The following SPINK5 variants were observed in gnomAD, a reference collection of about 807,000 sequenced individuals.
SPINK5 encodes serine peptidase inhibitor Kazal type 5.
SPINK5 carries 125 observed loss-of-function variants against 151.8 expected under a neutral mutation model. The ratio of observed to expected loss-of-function variants is 0.82; its 90% CI spans 0.71 to 0.96. The LOEUF (loss-of-function observed/expected upper bound fraction) is 0.96, where lower values mean the gene tolerates loss of function less well. Among genes scored for constraint, SPINK5 ranks in the 40% least tolerant of loss-of-function variants. SPINK5 has a pLI of 0.00. For missense variants in SPINK5, 1,194 were observed against 1,291.9 expected, an observed-to-expected ratio of 0.92 and a Z score of 1.16; for synonymous variants, 374 against 395.3, an observed-to-expected ratio of 0.95 and a Z score of 0.64.
intron 11 of SPINK5, 53 bp from the exon 12 acceptor site, chr5:148,099,181 T>G (rs1753561920): frequency 6.6e-7 from 1 of 1,511,596 alleles, no homozygotes; most frequent in Non-Finnish European, 9.1e-7. Context: ...TGTGGAGAAA[T>G]CATGGCATGT....
chr5:148,072,148 G>T lies in SPINK5; in HGVS notation c.210G>T (p.Leu70=), dbSNP rs775544442. The change falls in exon 4 of 33, where the codon CTG becomes CTT. Residue 70 remains leucine (L), a splice_region_variant and synonymous_variant. Coordinates refer to ENST00000256084, the MANE Select transcript of SPINK5 (RefSeq NM_006846.4). The part of the protein sequence containing the change: ...INKCATCKMI[L]EKEAKSQKRA... ...TATGCTATTTCTTGTCCTTTTCCAG[G>T]GAAAAAGAAGCAAAATCACAGAAGA... is the stretch of plus-strand genomic sequence containing the variant. The T allele has an allele frequency of 3.7e-6, 6 of 1,611,696 alleles. No homozygotes were observed. The highest frequency in any genetic ancestry group is 3.3e-5 in the Admixed American group (2 of 59,784).
chr5:148,088,482 T>A (rs752159491), intron 5 of SPINK5, 60 bp from the exon 6 acceptor site: 11 of 1,478,574 alleles, frequency 7.4e-6, no homozygotes, highest in Admixed American at 3.4e-5. Context: ...AGCAGTTAGG[T>A]TTGAATGGTG....
At chr5:148,077,265 A>G (rs1056120701) in intron 4 of SPINK5, among the ~76,000 whole-genome samples, 1 of 151,202 alleles carries the variant, frequency 6.6e-6, no homozygotes, top group Non-Finnish European at 1.5e-5. Context: ...GGCTGTATAC[A>G]ATTAAAAGCT....
chr5:148,135,259 C>T (rs1046259991), intron 32 of SPINK5, among the ~76,000 whole-genome samples: 5 of 152,084 alleles, frequency 3.3e-5, no homozygotes, highest in Admixed American at 2.6e-4. Context: ...TACTGTTCCC[C>T]GTCCTCACAA....
Position 148,137,250 on chromosome 5 carries a change from A to C in SPINK5, c.*259A>C, listed in dbSNP as rs1345979091. Reference sequence around the variant, plus strand: ...GTCCTGATTACAATGCTGTCTGTCCAACTGCCTGTTCAATAAAAGTAAACT... The same window carrying C: ...GTCCTGATTACAATGCTGTCTGTCCCACTGCCTGTTCAATAAAAGTAAACT... On this transcript the variant is annotated 3_prime_UTR_variant, in exon 33 of 33. Coordinates refer to ENST00000256084, the MANE Select transcript of SPINK5 (RefSeq NM_006846.4). 3.6e-6 allele frequency: 2 copies of C among 551,282 alleles called. No individual in the cohort carries two copies. Among genetic ancestry groups the C allele is most frequent in the Non-Finnish European group, 3.2e-6 (1 of 309,414 alleles). 34.1% of individuals were successfully genotyped at this position (551,282 alleles called of 1,614,324 possible). A position where few individuals can be genotyped will look rare whatever the true frequency, so the allele number is the denominator to read the frequency against.
chr5:148,106,890 G>A, intron 16 of SPINK5, 147 bp from the exon 17 acceptor site: 1 of 977,064 alleles, frequency 1.0e-6, no homozygotes, highest in South Asian at 1.5e-5. Context: ...ATTGATGACG[G>A]AAGCTTTGTA....
chr5:148,072,555 G>A (rs1040614769), intron 4 of SPINK5, among the ~76,000 whole-genome samples: 2 of 151,934 alleles, frequency 1.3e-5, no homozygotes, highest in South Asian at 2.1e-4. Context: ...GTAGAACTAA[G>A]TTCAAATCTT....
chr5:148,102,608 A>G (rs1668880621), intron 15 of SPINK5, among the ~76,000 whole-genome samples: 1 of 152,200 alleles, frequency 6.6e-6, no homozygotes, highest in Non-Finnish European at 1.5e-5. Flanking sequence ...AGAGAAGAGA[A>G]TACTTCATGA....
intron 2 of SPINK5, among the ~76,000 whole-genome samples, chr5:148,067,985 A>G (rs919009006): frequency 1.3e-5 from 2 of 152,144 alleles, no homozygotes; most frequent in Admixed American, 6.5e-5. Flanking sequence ...TGAGTCGTCT[A>G]TATACTTTCT....
intron 1 of SPINK5, 50 bp downstream of exon 1, chr5:148,064,149 C>G: frequency 6.2e-7 from 1 of 1,610,022 alleles, no homozygotes; most frequent in Non-Finnish European, 8.5e-7. Flanking sequence ...TCTCAAAGCC[C>G]TGGGGAAGGG....
chr5:148,112,392 C>T (rs899022265), intron 19 of SPINK5, among the ~76,000 whole-genome samples: 2 of 152,052 alleles, frequency 1.3e-5, no homozygotes, highest in Admixed American at 6.6e-5. Context: ...AGAACAAGAA[C>T]GGCTGGGTGT....
intron 10 of SPINK5, 145 bp from the exon 11 acceptor site, chr5:148,097,722 G>A (rs1753506397): frequency 6.8e-6 from 5 of 735,466 alleles, no homozygotes; most frequent in Non-Finnish European, 8.5e-6. Flanking sequence ...TACAAGGAGA[G>A]AAATATCACA....
At chr5:148,081,748 A>G (rs1753026919) in intron 4 of SPINK5, among the ~76,000 whole-genome samples, 1 of 151,694 alleles carries the variant, frequency 6.6e-6, no homozygotes, top group Non-Finnish European at 1.5e-5. Flanking sequence ...CAATGGGTGA[A>G]TTTTATAGTA....
intron 8 of SPINK5, 52 bp downstream of exon 8, chr5:148,091,280 A>ACCTTTGTTAGGT (rs1164778743): frequency 1.4e-6 from 2 of 1,432,826 alleles, no homozygotes; most frequent in Non-Finnish European, 2.0e-6. Flanking sequence ...TTTATTAACA[A>ACCTTTGTTAGGT]ATGTATGCCT....
At chr5:148,072,527 A>G (rs1255710951) in intron 4 of SPINK5, among the ~76,000 whole-genome samples, 1 of 151,978 alleles carries the variant, frequency 6.6e-6, no homozygotes, top group African/African-American at 2.4e-5. Context: ...TAGCCCAAAG[A>G]AGAGCTTTCC....
intron 2 of SPINK5, among the ~76,000 whole-genome samples, chr5:148,068,535 T>A (rs571724999): frequency 8.8e-6 from 1 of 113,416 alleles, no homozygotes; most frequent in African/African-American, 3.6e-5. Flanking sequence ...CTGGGCGATG[T>A]AGTGAGACCC....
At chr5:148,081,624 T>C (rs981488626) in intron 4 of SPINK5, among the ~76,000 whole-genome samples, 1 of 151,590 alleles carries the variant, frequency 6.6e-6, no homozygotes, top group African/African-American at 2.4e-5. Context: ...GGGGGCTGGA[T>C]ATACTGTACA....
chr5:148,070,483 TTTGAG>T (rs761129697), intron 3 of SPINK5, 33 bp downstream of exon 3: 2 of 1,610,658 alleles, frequency 1.2e-6, no homozygotes, highest in Admixed American at 3.3e-5. Context: ...CTTTCCAATG[TTTGAG>T]TTAACAGCTA....
chr5:148,120,611 A>T (rs1248479710), intron 26 of SPINK5, among the ~76,000 whole-genome samples: 2 of 152,116 alleles, frequency 1.3e-5, no homozygotes, highest in African/African-American at 4.8e-5. Context: ...CTGTCAAATT[A>T]TTGTAGTTAG....
Sources: gnomAD v4.1 joint callset for allele counts (sites outside exome capture counted in the v4.1 genomes callset) on GRCh38, gnomAD v4.1.1 for gene constraint, MANE v1.5 for transcripts, NCBI Gene and HGNC (gene_info 2026-07-23, HGNC 2026-07-21) for gene names.